ANXA10: variants seen among roughly 807,000 people sequenced by gnomAD.
The protein encoded by ANXA10 is annexin 14.
ANXA10 carries 49 observed loss-of-function variants against 53.5 expected under a neutral mutation model. The observed-to-expected ratio is 0.92, with a 90% CI of 0.73 to 1.16. ANXA10 has a LOEUF of 1.16. Among genes scored for constraint, ANXA10 ranks in the 50% most tolerant of loss-of-function variants. The pLI is 0.00. For missense variants in ANXA10, 393 were observed against 394.4 expected, an observed-to-expected ratio of 1.00 and a Z score of 0.03; for synonymous variants, 131 against 128.9, an observed-to-expected ratio of 1.02 and a Z score of -0.11.
chr4:168,171,421 C>T (rs1189848160), intron 6 of ANXA10, among the ~76,000 whole-genome samples: 2 of 152,110 alleles, frequency 1.3e-5, no homozygotes, highest in African/African-American at 4.8e-5. Context: ...TTGTTATAAT[C>T]AGGTCCTCTA....
chr4:168,157,028 GA>G (rs552592136), intron 3 of ANXA10, among the ~76,000 whole-genome samples: 2 of 151,964 alleles, frequency 1.3e-5, no homozygotes, highest in Admixed American at 1.3e-4. Context: ...CACTAGCGTG[GA>G]AAAAATGCTA....
At chr4:168,102,629 G>GT (rs906624733) in intron 1 of ANXA10, among the ~76,000 whole-genome samples, 2 of 152,036 alleles carry the variant, frequency 1.3e-5, no homozygotes, top group Non-Finnish European at 2.9e-5. Context: ...ACCACAATTT[G>GT]TTTATCTGTT....
At chr4:168,147,286 T>C (rs139067335) in intron 3 of ANXA10, among the ~76,000 whole-genome samples, 69 of 152,304 alleles carry the variant, frequency 4.5e-4, no homozygotes, top group Non-Finnish European at 4.1e-4. Flanking sequence ...CCTCCATGGA[T>C]CAGGCATTCA....
intron 1 of ANXA10, among the ~76,000 whole-genome samples, chr4:168,116,113 T>C (rs898094552): frequency 2.0e-5 from 3 of 152,086 alleles, no homozygotes; most frequent in African/African-American, 7.2e-5. Context: ...CCATGTGTAA[T>C]AGAGATGCAA....
At chr4:168,165,754 G>C (rs1302446806) in intron 6 of ANXA10, among the ~76,000 whole-genome samples, 4 of 152,036 alleles carry the variant, frequency 2.6e-5, no homozygotes, top group African/African-American at 9.7e-5. Context: ...TCAGCTCACT[G>C]CAACCTCCTC....
chr4:168,153,442 C>CAAAAAAAAAAAAAAAAAAAAAAAAAAA (rs1560782282), intron 3 of ANXA10, among the ~76,000 whole-genome samples: 2 of 42,932 alleles, frequency 4.7e-5, no homozygotes, highest in Non-Finnish European at 9.6e-5. Context: ...AAAAAAAAAA[C>CAAAAAAAAAAAAAAAAAAAAAAAAAAA]AAAAACAAAA....
chr4:168,147,126 CA>C (rs1433779081), intron 3 of ANXA10, among the ~76,000 whole-genome samples: 1 of 152,210 alleles, frequency 6.6e-6, no homozygotes, highest in Non-Finnish European at 1.5e-5. Flanking sequence ...CATGTAAATG[CA>C]AGACACTGCA....
intron 6 of ANXA10, among the ~76,000 whole-genome samples, chr4:168,174,489 G>A (rs1054730502): frequency 3.3e-5 from 5 of 152,142 alleles, no homozygotes; most frequent in Admixed American, 6.5e-5. Flanking sequence ...GGCTGAGTGC[G>A]CAGTCACAGT....
intron 2 of ANXA10, among the ~76,000 whole-genome samples, chr4:168,137,305 G>T (rs1038258607): frequency 6.6e-6 from 1 of 152,018 alleles, no homozygotes; most frequent in African/African-American, 2.4e-5. Flanking sequence ...AAATTTAAGG[G>T]GTACGAGTGC....
At chr4:168,142,024 G>C (rs755011693) in intron 3 of ANXA10, among the ~76,000 whole-genome samples, 2 of 152,066 alleles carry the variant, frequency 1.3e-5, no homozygotes, top group East Asian at 3.9e-4. Flanking sequence ...ATTGGTACTT[G>C]TGCCTATATA....
Position 168,139,590 on chromosome 4 carries a change from CTTTATCTTGACCTA to C in ANXA10, c.195+14_195+27del. On this transcript the variant is annotated intron_variant, in intron 3 of 11. Coordinates refer to ENST00000359299, the MANE Select transcript of ANXA10 (RefSeq NM_007193.5). ...GAGCATGTATGGCCGGGTAAGGCCACTTTATCTTGACCTATTTCTAGGGCAATCTCTTGAGAACT... is the reference window on the plus strand; with the variant it reads ...GAGCATGTATGGCCGGGTAAGGCCACTTTCTAGGGCAATCTCTTGAGAACT... The C allele has an allele frequency of 6.2e-7, 1 of 1,600,486 alleles. No homozygotes were observed. Among genetic ancestry groups the C allele is most frequent in the African/African-American group, 1.3e-5 (1 of 74,820 alleles).
At chr4:168,147,455 A>C (rs1731424120) in intron 3 of ANXA10, among the ~76,000 whole-genome samples, 1 of 152,166 alleles carries the variant, frequency 6.6e-6, no homozygotes, top group African/African-American at 2.4e-5. Context: ...TCTATCATAG[A>C]AACTTATGCC....
rs370919561 is a variant in ANXA10 at position 168,177,672 on chromosome 4, G to A, written c.481-68G>A. ...ATCAGAATGTTTTTCAAGGATTTCAGTCTCACTAATCCAATATGAGTTGCT... is the reference window on the plus strand; with the variant it reads ...ATCAGAATGTTTTTCAAGGATTTCAATCTCACTAATCCAATATGAGTTGCT... On this transcript the variant is annotated intron_variant, in intron 6 of 11. Transcript: ENST00000359299. 4.9e-5 allele frequency: 72 copies of A among 1,475,678 alleles called. No individual in the cohort carries two copies. The African/African-American group carries it at 7.3e-4, about 15-fold the overall frequency. The allele number at this position is 1,475,678 out of a possible 1,614,324, so 91.4% of individuals were successfully genotyped here. A position where few individuals can be genotyped will look rare whatever the true frequency, so the allele number is the denominator to read the frequency against.
intron 4 of ANXA10, among the ~76,000 whole-genome samples, chr4:168,163,111 A>C (rs563282860): frequency 6.6e-6 from 1 of 152,178 alleles, no homozygotes; most frequent in South Asian, 2.1e-4. Flanking sequence ...CCTGAAGTTC[A>C]TTCTTTACAG....
At chr4:168,145,117 C>T (rs144231053) in intron 3 of ANXA10, among the ~76,000 whole-genome samples, 3 of 152,166 alleles carry the variant, frequency 2.0e-5, no homozygotes, top group East Asian at 1.9e-4. Flanking sequence ...GGGTGGGGGC[C>T]GCAAGACCAG....
chr4:168,174,275 C>T (rs1732074970), intron 6 of ANXA10, among the ~76,000 whole-genome samples: 1 of 152,208 alleles, frequency 6.6e-6, no homozygotes, highest in African/African-American at 2.4e-5. Flanking sequence ...GATGGTGGAA[C>T]TAAAAGAGCT....
chr4:168,129,489 A>C (rs1731125017), intron 2 of ANXA10, among the ~76,000 whole-genome samples: 1 of 152,126 alleles, frequency 6.6e-6, no homozygotes, highest in Admixed American at 6.6e-5. Context: ...CATTTTGACC[A>C]TCATAATTTG....
intron 3 of ANXA10, among the ~76,000 whole-genome samples, chr4:168,154,608 T>A (rs1731568785): frequency 2.0e-5 from 3 of 152,160 alleles, no homozygotes; most frequent in Non-Finnish European, 4.4e-5. Context: ...CCTGTAGAGA[T>A]AAAAGTATAT....
intron 2 of ANXA10, among the ~76,000 whole-genome samples, chr4:168,128,776 CCT>C (rs1361314042): frequency 6.6e-6 from 1 of 151,984 alleles, no homozygotes; most frequent in African/African-American, 2.4e-5. Flanking sequence ...CTCTCACTCC[CCT>C]AATCTCATTT....
Sources: gnomAD v4.1 joint callset for allele counts (sites outside exome capture counted in the v4.1 genomes callset) on GRCh38, gnomAD v4.1.1 for gene constraint, MANE v1.5 for transcripts, NCBI Gene and HGNC (gene_info 2026-07-23, HGNC 2026-07-21) for gene names.